Variants in GRIN2A observed in about 807,000 individuals in gnomAD.
GRIN2A encodes the protein glutamate ionotropic receptor NMDA type subunit 2A.
A neutral mutation model predicts 113.4 loss-of-function variants in GRIN2A; 22 were observed. The observed-to-expected ratio is 0.19, with a 90% confidence interval of 0.14 to 0.28. GRIN2A has a LOEUF of 0.28. Ranked by LOEUF, GRIN2A falls within the 10% of genes least tolerant of loss-of-function variation. The pLI is 1.00. For missense variants in GRIN2A, 1,502 were observed against 1,887.0 expected, an observed-to-expected ratio of 0.80 and a Z score of 3.78; for synonymous variants, 827 against 738.4, an observed-to-expected ratio of 1.12 and a Z score of -1.94.
chr16:10,111,616 G>C (rs2048615990), intron 2 of GRIN2A: 3 of 1,272,626 alleles, frequency 2.4e-6, no homozygotes. Flanking sequence ...GGCCGACATG[G>C]CCATCGCGAT....
intron 2 of GRIN2A, among the ~76,000 whole-genome samples, chr16:10,067,120 G>A (rs57765899): frequency 0.03 from 4,556 of 152,050 alleles, 238 homozygotes; most frequent in African/African-American, 0.11. Context: ...CTTTTTTGCT[G>A]TTTCTTTCTC....
At chr16:10,151,003 A>G (rs1200096561) in intron 2 of GRIN2A, among the ~76,000 whole-genome samples, 1 of 152,220 alleles carries the variant, frequency 6.6e-6, no homozygotes, top group East Asian at 1.9e-4. Flanking sequence ...AGAAGAAGTC[A>G]AAGAAAGTTT....
At chr16:9,897,566 C>T (rs1483973340) in intron 3 of GRIN2A, among the ~76,000 whole-genome samples, 4 of 152,098 alleles carry the variant, frequency 2.6e-5, no homozygotes, top group African/African-American at 9.7e-5. Flanking sequence ...AAAATACACA[C>T]AGAATTTTGA....
chr16:9,791,414 C>T (rs1052727315), intron 11 of GRIN2A, among the ~76,000 whole-genome samples: 1 of 152,082 alleles, frequency 6.6e-6, no homozygotes, highest in Non-Finnish European at 1.5e-5. Context: ...GAAAAATATT[C>T]AGGGGTAAGG....
At chr16:9,814,709 T>C (rs902235461) in intron 10 of GRIN2A, among the ~76,000 whole-genome samples, 4 of 152,092 alleles carry the variant, frequency 2.6e-5, no homozygotes, top group Admixed American at 1.3e-4. Flanking sequence ...TCTGAATCAC[T>C]AGAAGCACTA....
At chr16:9,781,862 A>T (rs1168823194) in intron 11 of GRIN2A, among the ~76,000 whole-genome samples, 2 of 152,228 alleles carry the variant, frequency 1.3e-5, no homozygotes, top group African/African-American at 4.8e-5. Context: ...AAATAATGTA[A>T]TGGTTTCTGG....
intron 2 of GRIN2A, among the ~76,000 whole-genome samples, chr16:10,066,540 T>C (rs2047652372): frequency 6.6e-6 from 1 of 152,172 alleles, no homozygotes; most frequent in Non-Finnish European, 1.5e-5. Context: ...CTATTTCATG[T>C]TCCTCACTGA....
chr16:9,836,256 C>T (rs1191952849), intron 7 of GRIN2A, among the ~76,000 whole-genome samples: 1 of 152,198 alleles, frequency 6.6e-6, no homozygotes, highest in African/African-American at 2.4e-5. Context: ...AGACAATATA[C>T]TGAGTGGAAT....
At chr16:10,079,265 T>C (rs1169671619) in intron 2 of GRIN2A, among the ~76,000 whole-genome samples, 1 of 152,018 alleles carries the variant, frequency 6.6e-6, no homozygotes. Flanking sequence ...ATAAAGGCTG[T>C]GAAAGAAATA....
chr16:9,868,021 AATCCCAACCATGGAAAT>A (rs1388538536), intron 4 of GRIN2A, among the ~76,000 whole-genome samples: 1 of 152,198 alleles, frequency 6.6e-6, no homozygotes, highest in East Asian at 1.9e-4. Context: ...GAGTTCTTGA[AATCCCAACCATGGAAAT>A]ATCCATTAAT....
intron 2 of GRIN2A, among the ~76,000 whole-genome samples, chr16:10,043,417 C>T (rs1232302217): frequency 1.3e-5 from 2 of 152,146 alleles, no homozygotes; most frequent in Non-Finnish European, 2.9e-5. Flanking sequence ...AGCAGCAAGC[C>T]CAAACTTTAA....
intron 2 of GRIN2A, among the ~76,000 whole-genome samples, chr16:9,983,288 T>C (rs554126161): frequency 6.6e-6 from 1 of 152,224 alleles, no homozygotes. Context: ...TAACCACTAA[T>C]CTACTTTCTA....
chr16:9,979,785 CTATATATATA>C lies in GRIN2A; in HGVS notation c.415-41244_415-41235del, dbSNP rs71157796. On this transcript the variant is annotated intron_variant, in intron 2 of 12. Coordinates refer to ENST00000330684, the MANE Select transcript of GRIN2A (RefSeq NM_001134407.3). ...TATATACATATAAGGGACTATGGGA[CTATATATATA>C]TATATATATATATATATGTATATGT... 2.2e-4 allele frequency among the ~76,000 whole-genome samples: 27 copies of C among 122,344 alleles called. No homozygotes were observed. The South Asian group carries it at 4.5e-3, about 20-fold the overall frequency. The allele number at this position is 122,344 out of a possible 152,430, so 80.3% of individuals were successfully genotyped here.
chr16:10,084,067 C>T (rs2048038303), intron 2 of GRIN2A, among the ~76,000 whole-genome samples: 1 of 152,192 alleles, frequency 6.6e-6, no homozygotes, highest in Non-Finnish European at 1.5e-5. Flanking sequence ...TGCCACTGCA[C>T]TCCAGCCTGG....
chr16:10,023,596 T>G (rs1173448577), intron 2 of GRIN2A, among the ~76,000 whole-genome samples: 1 of 152,194 alleles, frequency 6.6e-6, no homozygotes. Context: ...AAGAAATAGA[T>G]GTGAAGGAAT....
intron 10 of GRIN2A, among the ~76,000 whole-genome samples, chr16:9,801,012 C>T (rs1336876122): frequency 6.6e-6 from 1 of 152,166 alleles, no homozygotes; most frequent in Non-Finnish European, 1.5e-5. Context: ...GATGGTGCAA[C>T]CTCAGGAAAG....
chr16:9,855,896 C>A (rs973785677), intron 4 of GRIN2A, among the ~76,000 whole-genome samples: 2 of 152,124 alleles, frequency 1.3e-5, no homozygotes, highest in Admixed American at 6.5e-5. Flanking sequence ...CCATGCTGCA[C>A]AAAAAACAGT....
At chr16:10,143,489 A>C (rs555928141) in intron 2 of GRIN2A, among the ~76,000 whole-genome samples, 5 of 152,332 alleles carry the variant, frequency 3.3e-5, no homozygotes, top group Admixed American at 3.3e-4. Context: ...GAGTTATTTA[A>C]GGATAGTTGA....
rs149130914 is a variant in GRIN2A at position 10,155,198 on chromosome 16, A to G, written c.414+24800T>C. 2.4e-3 allele frequency among the ~76,000 whole-genome samples: 360 copies of G among 152,364 alleles called. 1 individual carries two copies. Among genetic ancestry groups the G allele is most frequent in the Non-Finnish European group, 3.7e-3 (252 of 68,042 alleles). ...GAGGAGAGAACTGAGTTGAAGCTCA[A>G]AAGGTCAGCAGGGGTCAGAAATCAG... On this transcript the variant is annotated intron_variant, in intron 2 of 12. Transcript: ENST00000330684.
Sources: gnomAD v4.1 joint callset for allele counts (sites outside exome capture counted in the v4.1 genomes callset) on GRCh38, gnomAD v4.1.1 for gene constraint, MANE v1.5 for transcripts, NCBI Gene and HGNC (gene_info 2026-07-23, HGNC 2026-07-21) for gene names.